The following RAD18 variants were observed in gnomAD, a reference collection of about 807,000 sequenced individuals.
RAD18 encodes E3 ubiquitin-protein ligase RAD18.
Under a neutral mutation model 60.4 loss-of-function variants are expected in RAD18, and 47 were observed. That is an observed-to-expected ratio of 0.78 (90% CI 0.62 to 0.99). RAD18 has a LOEUF of 0.99. Ranked by LOEUF, RAD18 falls within the 50% of genes least tolerant of loss-of-function variation. RAD18 has a pLI of 0.00. For synonymous variants in RAD18, 225 were observed against 195.5 expected (o/e 1.15, Z -1.26); for missense variants, 640 against 593.3 (o/e 1.08, Z -0.82).
chr3:8,888,632 G>A lies in RAD18; in HGVS notation c.1385+1757C>T, dbSNP rs145272563. ...GAAGTTCTTCCTTAGAAGGAACTGC[G>A]GCTGTTTAAACTATTCTATATTCTG... On this transcript the variant is annotated intron_variant, in intron 12 of 12. Transcript: ENST00000264926. Among the ~76,000 whole-genome samples the A allele has an allele frequency of 2.4e-4, 37 of 152,288 alleles. No individual in the cohort carries two copies. In the East Asian group the frequency reaches 6.4e-3, roughly 26 times the overall value.
intron 9 of RAD18, among the ~76,000 whole-genome samples, chr3:8,905,425 C>T (rs935451826): frequency 6.6e-6 from 1 of 152,126 alleles, no homozygotes; most frequent in African/African-American, 2.4e-5. Context: ...CCCAGTGGTA[C>T]AAAAGACTAA....
intron 7 of RAD18, among the ~76,000 whole-genome samples, chr3:8,934,102 G>A (rs958654530): frequency 6.6e-6 from 1 of 152,182 alleles, no homozygotes; most frequent in African/African-American, 2.4e-5. Context: ...AAGAAAACAA[G>A]ACAATCTTGT....
At chr3:8,917,829 A>AT (rs1940234269) in intron 7 of RAD18, among the ~76,000 whole-genome samples, 1 of 152,140 alleles carries the variant, frequency 6.6e-6, no homozygotes, top group African/African-American at 2.4e-5. Flanking sequence ...GAGACAGAGG[A>AT]TGTCAGATTG....
At position 8,963,376 on chromosome 3, in the gene RAD18, G is replaced by C. The variant is rs531231872; in HGVS notation, c.10C>G (p.Leu4Val). Residue 4 changes from leucine to valine, a missense_variant, in exon 1 of 13, where the codon CTG (leucine) becomes GTG (valine). Transcript: ENST00000264926. ...CCCGGAGGCCACCGAGACTCGGCCA[G>C]GGAGTCCATGGTCGCTCCCGAGGAT... MDS[L>V]AESRWPPGLA... 2.7e-5 allele frequency: 43 copies of C among 1,609,262 alleles called. No homozygotes were observed. The African/African-American group carries it at 4.7e-4, about 18-fold the overall frequency.
chr3:8,937,201 G>C (rs114071641), intron 6 of RAD18, among the ~76,000 whole-genome samples: 3 of 152,128 alleles, frequency 2.0e-5, no homozygotes, highest in Non-Finnish European at 4.4e-5. Flanking sequence ...ATCATTTTGT[G>C]TTTACAGAAG....
rs549576275 is a variant in RAD18, at chr3:8,892,256, A to G, written c.1323-1805T>C. Among the ~76,000 whole-genome samples, 3 of 152,318 alleles carry G rather than the reference A, an allele frequency of 2.0e-5. No individual in the cohort carries two copies. The East Asian group carries it at 5.8e-4, about 29-fold the overall frequency. ...CTATTTGGTCTTGAAACATTCTGGA[A>G]GACCACGCTTCAAGAAGCTGGATGA... is the stretch of plus-strand genomic sequence containing the variant. On this transcript the variant is annotated intron_variant, in intron 11 of 12. Coordinates refer to ENST00000264926, the MANE Select transcript of RAD18 (RefSeq NM_020165.4).
intron 2 of RAD18, among the ~76,000 whole-genome samples, chr3:8,952,344 T>C (rs1026666952): frequency 6.6e-6 from 1 of 152,150 alleles, no homozygotes; most frequent in African/African-American, 2.4e-5. Flanking sequence ...TAATTATCAA[T>C]GCTGTTCTCT....
chr3:8,891,584 T>A (rs1939694040), intron 11 of RAD18, among the ~76,000 whole-genome samples: 1 of 152,174 alleles, frequency 6.6e-6, no homozygotes, highest in Admixed American at 6.5e-5. Flanking sequence ...ATCTCAGAAG[T>A]TGCCTGCAAT....
intron 9 of RAD18, among the ~76,000 whole-genome samples, chr3:8,910,808 C>T (rs1940093935): frequency 6.6e-6 from 1 of 152,070 alleles, no homozygotes; most frequent in African/African-American, 2.4e-5. Flanking sequence ...CATATTAGCA[C>T]ATCAATAGTT....
rs45509995 is a variant in RAD18 at position 8,961,386 on chromosome 3, A to G, written c.51+1949T>C. On this transcript the variant is annotated intron_variant, in intron 1 of 12. Transcript: ENST00000264926. ...CGTAATAATTACAAAAATACTCTTAAGTTTTTGGGGTTACAGATCCCTTTG... is the reference window on the plus strand; with the variant it reads ...CGTAATAATTACAAAAATACTCTTAGGTTTTTGGGGTTACAGATCCCTTTG... Among the ~76,000 whole-genome samples, 1,430 of 152,326 alleles carry G rather than the reference A, an allele frequency of 9.4e-3. 30 individuals are homozygous for G. The highest frequency in any genetic ancestry group is 0.033 in the African/African-American group (1,356 of 41,560).
At chr3:8,917,715 T>A (rs1940231629) in intron 7 of RAD18, among the ~76,000 whole-genome samples, 1 of 151,276 alleles carries the variant, frequency 6.6e-6, no homozygotes, top group African/African-American at 2.4e-5. Context: ...CAAAAAAAGA[T>A]AACAAAAAGG....
chr3:8,963,454 C>G lies in RAD18; in HGVS notation c.-69G>C. ...CGGCGCTCCAACACCACTCGAAATTCCCCGCGCTACCGCATTACGTCAGCA... is the reference window on the plus strand; with the variant it reads ...CGGCGCTCCAACACCACTCGAAATTGCCCGCGCTACCGCATTACGTCAGCA... On this transcript the variant is annotated 5_prime_UTR_variant, in exon 1 of 13. Transcript: ENST00000264926. 7.1e-7 allele frequency: 1 copy of G among 1,406,458 alleles called. No individual in the cohort carries two copies. Among genetic ancestry groups the G allele is most frequent in the South Asian group, 1.3e-5 (1 of 79,194 alleles). The allele number at this position is 1,406,458 out of a possible 1,614,324, so 87.1% of individuals were successfully genotyped here.
intron 7 of RAD18, among the ~76,000 whole-genome samples, chr3:8,928,537 G>C (rs1360629467): frequency 6.6e-6 from 1 of 152,032 alleles, no homozygotes; most frequent in African/African-American, 2.4e-5. Flanking sequence ...AATATTACCA[G>C]AGACAAAGAC....
At position 8,912,324 on chromosome 3, in the gene RAD18, G is replaced by T; in HGVS notation, c.1015C>A (p.His339Asn). Residue 339 changes from histidine to asparagine, a missense_variant, in exon 9 of 13, where the codon CAC (histidine) becomes AAC (asparagine). Transcript: ENST00000264926. ...DQTEKEIDEI[H>N]SKYRKKHKSE... ...TCGTGCAACTTACGATATTTACTGT[G>T]GATTTCATCTATTTCCTTTTCTGTT... 1 of 1,564,242 alleles carries T rather than the reference G, an allele frequency of 6.4e-7. No individual in the cohort carries two copies. Among genetic ancestry groups the T allele is most frequent in the South Asian group, 1.2e-5 (1 of 82,296 alleles).
chr3:8,953,268 G>A (rs931568250), intron 2 of RAD18, among the ~76,000 whole-genome samples: 5 of 150,892 alleles, frequency 3.3e-5, no homozygotes, highest in Non-Finnish European at 7.4e-5. Flanking sequence ...TATATATTAT[G>A]TATACATCAA....
chr3:8,907,168 C>T (rs1276662809), intron 9 of RAD18, among the ~76,000 whole-genome samples: 1 of 152,248 alleles, frequency 6.6e-6, no homozygotes, highest in Non-Finnish European at 1.5e-5. Context: ...CTTGCCCATA[C>T]TACAGCCAGG....
At chr3:8,933,022 G>A (rs1405702517) in intron 7 of RAD18, among the ~76,000 whole-genome samples, 1 of 151,994 alleles carries the variant, frequency 6.6e-6, no homozygotes, top group East Asian at 1.9e-4. Flanking sequence ...CTTCAACCTG[G>A]GAGACGGAGG....
intron 7 of RAD18, among the ~76,000 whole-genome samples, chr3:8,923,670 T>C (rs1222548915): frequency 2.0e-5 from 3 of 152,088 alleles, no homozygotes; most frequent in Non-Finnish European, 4.4e-5. Flanking sequence ...GAGAGAAAGG[T>C]CGGGTTACCC....
chr3:8,912,168 C>G, intron 9 of RAD18, 144 bp downstream of exon 9: 1 of 635,858 alleles, frequency 1.6e-6, no homozygotes, highest in Admixed American at 4.0e-5. Context: ...ACTAAGTAAA[C>G]ACCCAATTAA....
Sources: gnomAD v4.1 joint callset for allele counts (sites outside exome capture counted in the v4.1 genomes callset) on GRCh38, gnomAD v4.1.1 for gene constraint, MANE v1.5 for transcripts, NCBI Gene and HGNC (gene_info 2026-07-23, HGNC 2026-07-21) for gene names.